VWF: variants seen among roughly 807,000 people sequenced by gnomAD.
VWF encodes the protein von Willebrand factor.
A neutral mutation model predicts 308.6 loss-of-function variants in VWF; 176 were observed. The observed-to-expected ratio is 0.57, with a 90% CI of 0.50 to 0.65. VWF has a LOEUF of 0.65. VWF is among the 30% of genes least tolerant of loss of function. The pLI is 0.00. For synonymous variants in VWF, 1,385 were observed against 1,443.4 expected (o/e 0.96, Z 0.92); for missense variants, 3,146 against 3,648.2 (o/e 0.86, Z 3.55).
intron 6 of VWF, among the ~76,000 whole-genome samples, chr12:6,077,563 G>C (rs1565855020): frequency 6.6e-6 from 1 of 152,192 alleles, no homozygotes. Context: ...TGGGGACTTA[G>C]GCAAATCAGC....
In VWF at chr12:6,118,260, C is replaced by T. The variant is rs1945390954; in HGVS notation, c.220+2914G>A. On this transcript the variant is annotated intron_variant, in intron 3 of 51. Coordinates refer to ENST00000261405, the MANE Select transcript of VWF (RefSeq NM_000552.5). ...GTATGTGTTGTTTACCAGCCCGTCT[C>T]GGGGCAGGGAGTCCAGAGCAGAGCT... is the stretch of plus-strand genomic sequence containing the variant. Among the ~76,000 whole-genome samples the T allele has an allele frequency of 3.3e-5, 5 of 151,474 alleles. No homozygotes were observed. The South Asian group carries it at 1.0e-3, about 32-fold the overall frequency.
At chr12:6,104,645 T>C (rs927135812) in intron 5 of VWF, among the ~76,000 whole-genome samples, 3 of 151,120 alleles carry the variant, frequency 2.0e-5, no homozygotes, top group African/African-American at 4.9e-5. Flanking sequence ...TGCAGTGAGC[T>C]GAGATCAGGC....
At chr12:6,056,796 A>C (rs1944583511) in intron 15 of VWF, 61 bp downstream of exon 15, 1 of 1,290,804 alleles carries the variant, frequency 7.7e-7, no homozygotes, top group Non-Finnish European at 9.9e-7. Context: ...GGGCTTCGAA[A>C]AGCACACGTG....
intron 50 of VWF, 49 bp from the exon 51 acceptor site, chr12:5,949,932 A>G (rs1159742004): frequency 6.4e-7 from 1 of 1,570,396 alleles, no homozygotes; most frequent in South Asian, 1.1e-5. Context: ...GGGGTTCTAG[A>G]GAACACTCTT....
At position 6,060,631 on chromosome 12, in the gene VWF, T is replaced by C. The variant is rs187647498; in HGVS notation, c.1533+2323A>G. Among the ~76,000 whole-genome samples, 2 of 152,336 alleles carry C rather than the reference T, an allele frequency of 1.3e-5. No homozygotes were observed. The highest frequency in any genetic ancestry group is 2.9e-5 in the Non-Finnish European group (2 of 68,032). ...AAATATATATAAAAAGACAGTTCTA[T>C]AGGCCATGGGGTCATCTGACCCTGT... is the stretch of plus-strand genomic sequence containing the variant. On this transcript the variant is annotated intron_variant, in intron 13 of 51. Transcript: ENST00000261405. The surrounding 1 kb of genome is among the most constrained non-coding windows in gnomAD (Gnocchi z 5.1).
At chr12:6,092,618 A>AGAGAGAGAGAGAGAGAGAGTGTGT (rs1301391895) in intron 6 of VWF, among the ~76,000 whole-genome samples, 1 of 66,150 alleles carries the variant, frequency 1.5e-5, no homozygotes, top group African/African-American at 8.3e-5. Flanking sequence ...AGTGAGTGAG[A>AGAGAGAGAGAGAGAGAGAGTGTGT]GTGTGTGTGT....
chr12:5,959,598 G>A (rs993848312), intron 47 of VWF, among the ~76,000 whole-genome samples: 11 of 151,968 alleles, frequency 7.2e-5, no homozygotes, highest in African/African-American at 2.7e-4. Flanking sequence ...TGGATAAACA[G>A]AGACTGGATA....
rs946415846 is a variant in VWF at position 6,075,642 on chromosome 12, C to T, written c.658-91G>A. ...CTTAGCCCTGCTAGGGAAACCAAGG[C>T]AGCTCCCTCAGCACCTGGGACAGGC... On this transcript the variant is annotated intron_variant, in intron 6 of 51. Transcript: ENST00000261405. This position sits in a 1 kb window ranked among gnomAD's most constrained non-coding sequence, Gnocchi z 4.7. 2.2e-6 allele frequency: 3 copies of T among 1,378,224 alleles called. No individual in the cohort carries two copies. The highest frequency in any genetic ancestry group is 1.2e-5 in the South Asian group (1 of 80,440). 85.4% of individuals were successfully genotyped at this position (1,378,224 alleles called of 1,614,324 possible).
chr12:6,087,780 C>G (rs1310304300), intron 6 of VWF, among the ~76,000 whole-genome samples: 1 of 152,070 alleles, frequency 6.6e-6, no homozygotes, highest in East Asian at 1.9e-4. Flanking sequence ...GATTCTCAAC[C>G]AACTCTGAGT....
At position 6,057,960 on chromosome 12, in the gene VWF, C is replaced by T. The variant is rs1364511255; in HGVS notation, c.1618G>A (p.Gly540Arg). Reference protein sequence around the residue: ...NQGDDFLTPSGLAEPRVEDFG... With the variant: ...NQGDDFLTPSRLAEPRVEDFG... Reference sequence around the variant, plus strand: ...TCCTCCACCCGGGGCTCCGCCAGCCCAGAGGGGGTAAGGAAGTCGTCGCCC... The same window carrying T: ...TCCTCCACCCGGGGCTCCGCCAGCCTAGAGGGGGTAAGGAAGTCGTCGCCC... Residue 540 changes from glycine to arginine, a missense_variant, in exon 14 of 52, where the codon GGG (glycine) becomes AGG (arginine). Gly to Arg is a moderately radical substitution (Grantham distance 125). Coordinates refer to ENST00000261405, the MANE Select transcript of VWF (RefSeq NM_000552.5). 1.2e-6 allele frequency: 2 copies of T among 1,613,748 alleles called. No homozygotes were observed. The highest frequency in any genetic ancestry group is 1.7e-5 in the Admixed American group (1 of 60,030).
intron 20 of VWF, among the ~76,000 whole-genome samples, chr12:6,031,889 A>G (rs951383682): frequency 1.3e-5 from 2 of 152,172 alleles, no homozygotes; most frequent in Admixed American, 1.3e-4. Flanking sequence ...TCAGGCTCAA[A>G]GGCCTTGCCT....
At position 5,978,103 on chromosome 12, in the gene VWF, G is replaced by A. The variant is rs552180207; in HGVS notation, c.7288-1843C>T. Reference sequence around the variant, plus strand: ...CAAATTGAAATATTAACTAGATATCGTCAGTGGCACATAATTATTATTTAT... The same window carrying A: ...CAAATTGAAATATTAACTAGATATCATCAGTGGCACATAATTATTATTTAT... On this transcript the variant is annotated intron_variant, in intron 42 of 51. Coordinates refer to ENST00000261405, the MANE Select transcript of VWF (RefSeq NM_000552.5). 1.7e-4 allele frequency among the ~76,000 whole-genome samples: 26 copies of A among 149,022 alleles called. No homozygotes were observed. The South Asian group carries it at 1.9e-3, about 11-fold the overall frequency.
intron 5 of VWF, among the ~76,000 whole-genome samples, chr12:6,110,128 C>T (rs1945289938): frequency 6.6e-6 from 1 of 152,200 alleles, no homozygotes; most frequent in African/African-American, 2.4e-5. Context: ...CAACCATCTG[C>T]CACGTGCAAG....
At chr12:6,028,298 T>C (rs758374671) in intron 22 of VWF, among the ~76,000 whole-genome samples, 2 of 152,208 alleles carry the variant, frequency 1.3e-5, no homozygotes, top group Admixed American at 6.5e-5. Flanking sequence ...GGAAACACCC[T>C]AGAATAGTCT....
At chr12:5,992,893 C>T (rs1409092515) in intron 37 of VWF, among the ~76,000 whole-genome samples, 3 of 152,206 alleles carry the variant, frequency 2.0e-5, no homozygotes, top group African/African-American at 7.2e-5. Context: ...TAGAAACTAA[C>T]ATTTGCCCCT....
chr12:6,092,622 T>TGAGAGA lies in VWF; in HGVS notation c.657+2837_657+2838insTCTCTC, dbSNP rs1403649370. 8.7e-5 allele frequency among the ~76,000 whole-genome samples: 8 copies of TGAGAGA among 91,492 alleles called. 1 individual carries two copies. The highest frequency in any genetic ancestry group is 4.2e-4 in the African/African-American group (8 of 18,858). 60.0% of individuals were successfully genotyped at this position (91,492 alleles called of 152,430 possible). On this transcript the variant is annotated intron_variant, in intron 6 of 51. Coordinates refer to ENST00000261405, the MANE Select transcript of VWF (RefSeq NM_000552.5). ...GCTAGTTAGTGAGTGAGTGAGAGTGTGTGTGTGTGTGTGTGTGTGTGTGTG... is the reference window on the plus strand; with the variant it reads ...GCTAGTTAGTGAGTGAGTGAGAGTGTGAGAGAGTGTGTGTGTGTGTGTGTGTGTGTG...
chr12:6,071,319 G>C lies in VWF; in HGVS notation c.1134C>G (p.Ile378Met). The change falls in exon 10 of 52, where the codon ATC becomes ATG. Residue 378 changes from isoleucine to methionine, a missense_variant. Physicochemically the swap from Ile to Met is conservative, Grantham distance 10. Around this residue, in one of 3 missense-constraint regions of VWF, gnomAD observed 1,304 missense variants for 1,353.0 expected, o/e 0.96. Coordinates refer to ENST00000261405, the MANE Select transcript of VWF (RefSeq NM_000552.5). ...TACCTGGACATTCTTCATTGCTGCA[G>C]ATCCACTGGCTGTTTCGGCAAATGC... ...NTCICRNSQW[I>M]CSNEECPGEC... is the part of the protein sequence containing the mutation. The C allele has an allele frequency of 6.2e-7, 1 of 1,614,186 alleles. No individual in the cohort carries two copies. Among genetic ancestry groups the C allele is most frequent in the Non-Finnish European group, 8.5e-7 (1 of 1,180,038 alleles).
At chr12:5,966,944 C>A (rs761473584) in intron 47 of VWF, among the ~76,000 whole-genome samples, 8 of 152,192 alleles carry the variant, frequency 5.3e-5, no homozygotes, top group African/African-American at 1.7e-4. Flanking sequence ...AAACTAGGAA[C>A]GAGGAGTCCA....
intron 22 of VWF, among the ~76,000 whole-genome samples, chr12:6,026,503 G>T (rs1205304420): frequency 6.6e-6 from 1 of 152,228 alleles, no homozygotes; most frequent in Non-Finnish European, 1.5e-5. Context: ...GCCTGGAGAA[G>T]TGCAGCCTGT....
Sources: gnomAD v4.1 joint callset for allele counts (sites outside exome capture counted in the v4.1 genomes callset) on GRCh38, gnomAD v4.1.1 for gene constraint, gnomAD v4.1.1 regional missense constraint, Gnocchi (gnomAD v3.1) non-coding constraint, MANE v1.5 for transcripts, NCBI Gene and HGNC (gene_info 2026-07-23, HGNC 2026-07-21) for gene names.